Variants in PCDHGB3 observed in about 807,000 individuals in gnomAD.
PCDHGB3 encodes the protein protocadherin gamma subfamily B, 3.
In PCDHGB3, 40 loss-of-function variants were observed where a neutral mutation model predicts 59.2. The ratio of observed to expected loss-of-function variants is 0.68; its 90% CI spans 0.52 to 0.88. The LOEUF (loss-of-function observed/expected upper bound fraction) is 0.88. Among genes scored for constraint, PCDHGB3 ranks in the 40% least tolerant of loss-of-function variants. PCDHGB3 has a pLI of 0.00. For synonymous variants in PCDHGB3, 581 were observed against 503.6 expected (o/e 1.15, Z -2.06); for missense variants, 1,309 against 1,187.9 (o/e 1.10, Z -1.50).
Position 141,491,586 on chromosome 5 carries a change from G to T in PCDHGB3, c.2416-3221G>T, listed in dbSNP as rs373990387. ...ACAGGACGTGCTTTTCACCGGCCTC[G>T]GACGGCAGTGACTTCACTTTTCTAA... On this transcript the variant is annotated intron_variant, in intron 1 of 3. Transcript: ENST00000576222. This position sits in a 1 kb window ranked among gnomAD's most constrained non-coding sequence, Gnocchi z 6.9. 2.1e-5 allele frequency: 34 copies of T among 1,613,792 alleles called. No individual in the cohort carries two copies. In the African/African-American group the frequency reaches 2.4e-4, roughly 11 times the overall value.
At chr5:141,443,055 C>G (rs994152277) in intron 1 of PCDHGB3, among the ~76,000 whole-genome samples, 1 of 152,208 alleles carries the variant, frequency 6.6e-6, no homozygotes, top group Non-Finnish European at 1.5e-5. Flanking sequence ...TATTGTTCCA[C>G]TGAAGAGCGT....
chr5:141,403,237 C>T (rs1293614874), intron 1 of PCDHGB3: 1 of 1,613,824 alleles, frequency 6.2e-7, no homozygotes, highest in Non-Finnish European at 8.5e-7. Flanking sequence ...GGGAGGAGCT[C>T]TGTGCTCAGA....
intron 1 of PCDHGB3, chr5:141,413,855 C>A: frequency 3.7e-6 from 6 of 1,613,324 alleles, no homozygotes; most frequent in Non-Finnish European, 5.1e-6. Flanking sequence ...CCTCTCCGAT[C>A]TGGCACTGTC....
intron 1 of PCDHGB3, chr5:141,400,212 C>A (rs773459521): frequency 6.2e-7 from 1 of 1,614,058 alleles, no homozygotes; most frequent in East Asian, 2.2e-5. Context: ...TGGCCTTGAT[C>A]TCAGTGCTCT....
rs768206517 is a variant in PCDHGB3 at position 141,432,482 on chromosome 5, G to C, written c.2415+59673G>C. 6.2e-7 allele frequency: 1 copy of C among 1,614,178 alleles called. No individual in the cohort carries two copies. Among genetic ancestry groups the C allele is most frequent in the South Asian group, 1.1e-5 (1 of 91,074 alleles). ...CCTCCCCACGGACGGTTCCACTGGC[G>C]TGGAGCTGGCTCCCCGCTCCGCAGA... On this transcript the variant is annotated intron_variant, in intron 1 of 3. Coordinates refer to ENST00000576222, the MANE Select transcript of PCDHGB3 (RefSeq NM_018924.5). The surrounding 1 kb of genome is among the most constrained non-coding windows in gnomAD (Gnocchi z 6.0).
rs991408001 is a variant in PCDHGB3, at chr5:141,450,171, C to G, written c.2416-44636C>G. Among the ~76,000 whole-genome samples, 5 of 151,690 alleles carry G rather than the reference C, an allele frequency of 3.3e-5. No individual in the cohort carries two copies. In the East Asian group the frequency reaches 7.8e-4, roughly 24 times the overall value. ...ACAGGCATGTGCCACCACACTCCCACCACACCCAGCTAATTTTTGTATTTT... is the reference window on the plus strand; with the variant it reads ...ACAGGCATGTGCCACCACACTCCCAGCACACCCAGCTAATTTTTGTATTTT... On this transcript the variant is annotated intron_variant, in intron 1 of 3. Transcript: ENST00000576222.
chr5:141,395,542 T>TTGTTTGTTTGTG (rs1267535064), intron 1 of PCDHGB3: 1 of 168,708 alleles, frequency 5.9e-6, no homozygotes, highest in African/African-American at 5.7e-5. Flanking sequence ...TTGCTATTGT[T>TTGTTTGTTTGTG]TGTGTGTGTG....
intron 1 of PCDHGB3, chr5:141,383,689 G>T (rs773858539): frequency 1.9e-6 from 3 of 1,614,036 alleles, no homozygotes; most frequent in Non-Finnish European, 2.5e-6. Flanking sequence ...ACTGCTCACG[G>T]TACATGCTAT....
chr5:141,508,723 G>A (rs941469412), intron 3 of PCDHGB3, among the ~76,000 whole-genome samples: 2 of 151,814 alleles, frequency 1.3e-5, no homozygotes, highest in African/African-American at 4.8e-5. Context: ...TGTGTGCAGG[G>A]AGACTACACC....
chr5:141,398,586 A>C, intron 1 of PCDHGB3: 1 of 1,614,054 alleles, frequency 6.2e-7, no homozygotes, highest in Admixed American at 1.7e-5. Flanking sequence ...CAAGATTTAT[A>C]CTAGAAGTAG....
rs2099642802 is a variant in PCDHGB3, at chr5:141,487,311, CTAAG to C, written c.2416-7494_2416-7491del. The C allele has an allele frequency of 1.2e-6, 2 of 1,614,058 alleles. No individual in the cohort carries two copies. On this transcript the variant is annotated intron_variant, in intron 1 of 3. Coordinates refer to ENST00000576222, the MANE Select transcript of PCDHGB3 (RefSeq NM_018924.5). This position sits in a 1 kb window ranked among gnomAD's most constrained non-coding sequence, Gnocchi z 5.0. ...TTTGGCTCATTCGTGGCACTACTCTCTAAGTGTCTTCGTGGGGCAGCCTGTGGAG... is the reference window on the plus strand; with the variant it reads ...TTTGGCTCATTCGTGGCACTACTCTCTGTCTTCGTGGGGCAGCCTGTGGAG...
rs2099692814 is a variant in PCDHGB3 at position 141,489,840 on chromosome 5, G to A, written c.2416-4967G>A. 6.2e-7 allele frequency: 1 copy of A among 1,614,190 alleles called. No individual in the cohort carries two copies. The highest frequency in any genetic ancestry group is 8.5e-7 in the Non-Finnish European group (1 of 1,179,990). On this transcript the variant is annotated intron_variant, in intron 1 of 3. Coordinates refer to ENST00000576222, the MANE Select transcript of PCDHGB3 (RefSeq NM_018924.5). The surrounding 1 kb of genome is among the most constrained non-coding windows in gnomAD (Gnocchi z 4.5). ...CAGAGCTGGTGCTAGAGCAGCAGCT[G>A]GATCGTGAAGCCCAGGCAAGACATC... is the stretch of plus-strand genomic sequence containing the variant.
chr5:141,409,177 T>A (rs1272833119), intron 1 of PCDHGB3: 1 of 1,613,944 alleles, frequency 6.2e-7, no homozygotes, highest in Non-Finnish European at 8.5e-7. Context: ...AGGACGGAGG[T>A]GGTCTCTCTA....
intron 1 of PCDHGB3, among the ~76,000 whole-genome samples, chr5:141,436,521 C>T (rs2097829891): frequency 6.6e-6 from 1 of 152,086 alleles, no homozygotes; most frequent in African/African-American, 2.4e-5. Flanking sequence ...AACTGTGTCA[C>T]CTTTAGCAAG....
chr5:141,405,575 G>T, intron 1 of PCDHGB3: 2 of 598,040 alleles, frequency 3.3e-6, no homozygotes, highest in Non-Finnish European at 5.9e-6. Flanking sequence ...GAGTAGAGTA[G>T]CTGGGACTAC....
chr5:141,459,617 A>G (rs900986636), intron 1 of PCDHGB3, among the ~76,000 whole-genome samples: 2 of 152,258 alleles, frequency 1.3e-5, no homozygotes, highest in African/African-American at 2.4e-5. Flanking sequence ...GCTTAACTTT[A>G]TAAGAAGCTG....
chr5:141,409,173 G>T (rs1235074997), intron 1 of PCDHGB3: 3 of 1,614,028 alleles, frequency 1.9e-6, no homozygotes. Flanking sequence ...GCGAAGGACG[G>T]AGGTGGTCTC....
At position 141,490,169 on chromosome 5, in the gene PCDHGB3, T is replaced by C; in HGVS notation, c.2416-4638T>C. ...ATCCATGTGTTGGGTCCCATAGACT[T>C]TGAGGAGTCACGTTTCTATGAAATT... On this transcript the variant is annotated intron_variant, in intron 1 of 3. Transcript: ENST00000576222. This position sits in a 1 kb window ranked among gnomAD's most constrained non-coding sequence, Gnocchi z 5.4. 6.2e-7 allele frequency: 1 copy of C among 1,614,190 alleles called. No individual in the cohort carries two copies. The highest frequency in any genetic ancestry group is 8.5e-7 in the Non-Finnish European group (1 of 1,180,018).
chr5:141,477,512 A>G lies in PCDHGB3; in HGVS notation c.2416-17295A>G. 1.9e-6 allele frequency: 3 copies of G among 1,614,156 alleles called. No homozygotes were observed. Among genetic ancestry groups the G allele is most frequent in the South Asian group, 2.2e-5 (2 of 91,072 alleles). ...TTCTCAATCTTCCTACGACGTTTAC[A>G]TTGAAGAAAACAACCTCCCCGGGGC... On this transcript the variant is annotated intron_variant, in intron 1 of 3. Transcript: ENST00000576222. This position sits in a 1 kb window ranked among gnomAD's most constrained non-coding sequence, Gnocchi z 4.9.
Sources: gnomAD v4.1 joint callset for allele counts (sites outside exome capture counted in the v4.1 genomes callset) on GRCh38, gnomAD v4.1.1 for gene constraint, Gnocchi (gnomAD v3.1) non-coding constraint, MANE v1.5 for transcripts, NCBI Gene and HGNC (gene_info 2026-07-23, HGNC 2026-07-21) for gene names.